The following PKHD1L1 variants were observed in gnomAD, a reference collection of about 807,000 sequenced individuals.
PKHD1L1 encodes PKHD1 like 1, also known as fibrocystin-L.
In PKHD1L1, 434 loss-of-function variants were observed where a neutral mutation model predicts 462.9. That is an observed-to-expected ratio of 0.94 (90% CI 0.87 to 1.02). The LOEUF (loss-of-function observed/expected upper bound fraction) is 1.02. Among genes scored for constraint, PKHD1L1 ranks in the 50% least tolerant of loss-of-function variants. The probability of loss-of-function intolerance (pLI) is 0.00; values close to 1 mark genes in which losing one functional copy is unlikely to be tolerated. For synonymous variants in PKHD1L1, 1,781 were observed against 1,750.0 expected (o/e 1.02, Z -0.44); for missense variants, 5,202 against 5,096.1 (o/e 1.02, Z -0.63).
intron 2 of PKHD1L1, among the ~76,000 whole-genome samples, chr8:109,369,592 G>A (rs140427480): frequency 1.5e-3 from 231 of 151,598 alleles, no homozygotes; most frequent in Non-Finnish European, 2.8e-3. Context: ...TCCATGTTAC[G>A]TATCATTGAC....
chr8:109,430,679 C>T (rs745593115), intron 27 of PKHD1L1, among the ~76,000 whole-genome samples: 79 of 151,868 alleles, frequency 5.2e-4, no homozygotes, highest in South Asian at 8.3e-4. Flanking sequence ...GAAAAATAAA[C>T]TCATATGCTA....
chr8:109,484,195 AT>A (rs1246204794), intron 57 of PKHD1L1, among the ~76,000 whole-genome samples: 4 of 151,874 alleles, frequency 2.6e-5, no homozygotes, highest in Non-Finnish European at 5.9e-5. Context: ...ATATGTTTTT[AT>A]TTGTGATAGT....
At chr8:109,468,050 A>G (rs553671522) in intron 50 of PKHD1L1, among the ~76,000 whole-genome samples, 45 of 152,292 alleles carry the variant, frequency 3.0e-4, no homozygotes, top group African/African-American at 1.1e-3. Flanking sequence ...TCCCCCATTT[A>G]ATGATATTTA....
rs770653367 is a variant in PKHD1L1, at chr8:109,464,727, C to G, written c.7895C>G (p.Pro2632Arg). 6.2e-7 allele frequency: 1 copy of G among 1,613,804 alleles called. No homozygotes were observed. Among genetic ancestry groups the G allele is most frequent in the Admixed American group, 1.7e-5 (1 of 59,982 alleles). The change falls in exon 49 of 78, where the codon CCC becomes CGC. Residue 2632 changes from proline (P) to arginine (R), a missense_variant. Physicochemically the swap from Pro to Arg is moderately radical, Grantham distance 103. This residue lies in a region of PKHD1L1 where 4,497 missense variants were observed against 4,336.8 expected (regional missense o/e 1.04). Transcript: ENST00000378402. ...FGMWIFEEYF[P>R]MQTGSCTSTV... Reference sequence around the variant, plus strand: ...ATGTGGATCTTTGAGGAATATTTCCCCATGCAAACGGGATCTTGTACATCT... The same window carrying G: ...ATGTGGATCTTTGAGGAATATTTCCGCATGCAAACGGGATCTTGTACATCT...
intron 72 of PKHD1L1, among the ~76,000 whole-genome samples, chr8:109,517,010 T>C (rs1820303121): frequency 6.6e-6 from 1 of 151,992 alleles, no homozygotes; most frequent in Non-Finnish European, 1.5e-5. Flanking sequence ...AAAGCAGACA[T>C]AGATATTAAT....
chr8:109,408,259 A>T, intron 18 of PKHD1L1, 53 bp downstream of exon 18: 1 of 1,477,414 alleles, frequency 6.8e-7, no homozygotes, highest in East Asian at 2.4e-5. Context: ...CTCTCACATC[A>T]TTCATGGGCC....
At chr8:109,374,877 G>T (rs1209597501) in intron 2 of PKHD1L1, among the ~76,000 whole-genome samples, 1 of 152,206 alleles carries the variant, frequency 6.6e-6, no homozygotes, top group Non-Finnish European at 1.5e-5. Context: ...TCAGCTGTTA[G>T]TCTGATGGGC....
chr8:109,376,263 A>G (rs181706175), intron 2 of PKHD1L1, among the ~76,000 whole-genome samples: 190 of 152,334 alleles, frequency 1.2e-3, no homozygotes, highest in Non-Finnish European at 2.3e-3. Flanking sequence ...CTGTGCTAGC[A>G]ATGAGCAAGG....
At position 109,420,715 on chromosome 8, in the gene PKHD1L1, T is replaced by A. The variant is rs200324088; in HGVS notation, c.2697+25T>A. On this transcript the variant is annotated intron_variant, in intron 23 of 77. Transcript: ENST00000378402. ...GGTAAGCCTAGAATTTTGCATTAAT[T>A]TTTATGTAGTGAATTTTATTTTTAA... 2.5e-3 allele frequency: 3,616 copies of A among 1,467,556 alleles called. 80 individuals carry two copies. In the African/African-American group the frequency reaches 0.048, roughly 20 times the overall value. The allele number at this position is 1,467,556 out of a possible 1,614,324, so 90.9% of individuals were successfully genotyped here. A position where few individuals can be genotyped will look rare whatever the true frequency, so the allele number is the denominator to read the frequency against.
At chr8:109,518,568 A>C (rs553825622) in intron 73 of PKHD1L1, 60 bp downstream of exon 73, 2 of 1,392,624 alleles carry the variant, frequency 1.4e-6, no homozygotes, top group South Asian at 2.7e-5. Flanking sequence ...ATCCATAAAT[A>C]ACCTGATCAG....
At chr8:109,375,555 C>A (rs1318976350) in intron 2 of PKHD1L1, among the ~76,000 whole-genome samples, 3 of 152,124 alleles carry the variant, frequency 2.0e-5, no homozygotes, top group Non-Finnish European at 2.9e-5. Context: ...GAGCTGTGTT[C>A]CTTTGGAGGA....
intron 77 of PKHD1L1, among the ~76,000 whole-genome samples, chr8:109,527,958 C>T (rs760903035): frequency 6.6e-6 from 1 of 152,178 alleles, no homozygotes; most frequent in Non-Finnish European, 1.5e-5. Flanking sequence ...TTCTAATTAG[C>T]TTGGCCTGGT....
chr8:109,428,827 G>T (rs906755526), intron 25 of PKHD1L1, among the ~76,000 whole-genome samples: 1 of 152,148 alleles, frequency 6.6e-6, no homozygotes, highest in Non-Finnish European at 1.5e-5. Flanking sequence ...AGAACAAATT[G>T]TATATACTGA....
rs980448463 is a variant in PKHD1L1 at position 109,381,601 on chromosome 8, C to A, written c.308+87C>A. 6.1e-6 allele frequency: 6 copies of A among 986,386 alleles called. No individual in the cohort carries two copies. In the African/African-American group the frequency reaches 1.0e-4, roughly 16 times the overall value. 61.1% of individuals were successfully genotyped at this position (986,386 alleles called of 1,614,324 possible). A position where few individuals can be genotyped will look rare whatever the true frequency, so the allele number is the denominator to read the frequency against. On this transcript the variant is annotated intron_variant, in intron 3 of 77. Transcript: ENST00000378402. ...TATTAGTATTATAATAGTTTTATTA[C>A]CCTGGCTATTATAAATAATATTTTT...
chr8:109,424,251 T>C (rs910118726), intron 23 of PKHD1L1, among the ~76,000 whole-genome samples: 6 of 152,210 alleles, frequency 3.9e-5, no homozygotes, highest in African/African-American at 1.4e-4. Flanking sequence ...TCATTCAATT[T>C]TGTGAGATTC....
intron 14 of PKHD1L1, among the ~76,000 whole-genome samples, chr8:109,403,205 C>A (rs1813363473): frequency 6.6e-6 from 1 of 152,176 alleles, no homozygotes; most frequent in Non-Finnish European, 1.5e-5. Context: ...GCTATGAAAT[C>A]TGAAATTGAG....
At chr8:109,454,295 AT>A (rs745361326) in intron 44 of PKHD1L1, 49 bp downstream of exon 44, 11 of 1,271,406 alleles carry the variant, frequency 8.7e-6, no homozygotes, top group Admixed American at 4.4e-5. Flanking sequence ...GTCTCCATTC[AT>A]TTTTTTAAAT....
At position 109,531,059 on chromosome 8, in the gene PKHD1L1, C is replaced by A. The variant is rs1164390253; in HGVS notation, c.*969C>A. 2.0e-5 allele frequency among the ~76,000 whole-genome samples: 3 copies of A among 152,158 alleles called. No individual in the cohort carries two copies. In the East Asian group the frequency reaches 5.8e-4, roughly 29 times the overall value. The stretch of plus-strand genomic sequence containing the variant: ...ATTCTAAAGGGAATACTTAATTTGA[C>A]AGAACTCCTAATAAAGACATTGTAG... On this transcript the variant is annotated 3_prime_UTR_variant, in exon 78 of 78. Transcript: ENST00000378402.
chr8:109,486,922 G>A, intron 59 of PKHD1L1, 101 bp downstream of exon 59: 1 of 1,252,214 alleles, frequency 8.0e-7, no homozygotes, highest in Non-Finnish European at 1.1e-6. Flanking sequence ...ATAAGATTAT[G>A]TGGGAAAATA....
Sources: allele counts gnomAD v4.1 joint callset (sites outside exome capture counted in the v4.1 genomes callset), GRCh38; gene constraint gnomAD v4.1.1; regional missense constraint gnomAD v4.1.1; transcripts MANE v1.5; gene names NCBI Gene and HGNC (gene_info 2026-07-23, HGNC 2026-07-21).